The following TRIM6 variants were observed in gnomAD, a reference collection of about 807,000 sequenced individuals.
TRIM6 encodes tripartite motif containing 6.
In TRIM6, 43 loss-of-function variants were observed where a neutral mutation model predicts 51.2. That is an observed-to-expected ratio of 0.84 (90% CI 0.66 to 1.08). The LOEUF is 1.08. Among genes scored for constraint, TRIM6 ranks in the 50% least tolerant of loss-of-function variants. The pLI, the probability that TRIM6 is intolerant of heterozygous loss-of-function variation, is 0.00. For missense variants in TRIM6, 669 were observed against 619.0 expected (o/e 1.08, Z -0.86); for synonymous variants, 215 against 232.4 (o/e 0.93, Z 0.68).
In TRIM6 at chr11:5,596,915, G is replaced by A; in HGVS notation, c.17+1G>A. The A allele has an allele frequency of 1.9e-6, 3 of 1,614,086 alleles. No homozygotes were observed. Among genetic ancestry groups the A allele is most frequent in the Non-Finnish European group, 2.5e-6 (3 of 1,179,992 alleles). On this transcript the variant is annotated splice_donor_variant, in intron 1 of 7. Transcript: ENST00000380097. LOFTEE classifies it high-confidence loss of function. ...TTCCCCAGATGTGCGGGTCAGAGAG[G>A]TATGTCTACCGTTCTGTTGACTGGC...
intron 5 of TRIM6, 83 bp from the exon 6 acceptor site, chr11:5,610,062 G>A: frequency 7.0e-7 from 1 of 1,426,574 alleles, no homozygotes; most frequent in Non-Finnish European, 9.8e-7. Context: ...GAATTCATCA[G>A]TAGGCTTGGG....
chr11:5,609,922 C>CAA (rs5789416), intron 5 of TRIM6, among the ~76,000 whole-genome samples: 2 of 149,252 alleles, frequency 1.3e-5, no homozygotes, highest in Admixed American at 1.3e-4. Flanking sequence ...GACTCCTTCT[C>CAA]AAAAAAAAAA....
chr11:5,599,816 C>G (rs995704091), intron 1 of TRIM6, among the ~76,000 whole-genome samples: 1 of 152,168 alleles, frequency 6.6e-6, no homozygotes, highest in Non-Finnish European at 1.5e-5. Context: ...AATTTTCAAT[C>G]CATTATAAAG....
rs140488832 is a variant in TRIM6, at chr11:5,603,393, C to T, written c.165C>T (p.Ser55=). The T allele has an allele frequency of 2.1e-5, 34 of 1,614,052 alleles. No individual in the cohort carries two copies. Among genetic ancestry groups the T allele is most frequent in the Middle Eastern group, 1.6e-4 (1 of 6,062 alleles). Reference sequence around the variant, plus strand: ...TGGAGCTCCTAACAGAACCCCTGAGCATAGACTGTGGCCACAGCTTCTGCC... The same window carrying T: ...TGGAGCTCCTAACAGAACCCCTGAGTATAGACTGTGGCCACAGCTTCTGCC... ...ICLELLTEPL[S]IDCGHSFCQA... is the part of the protein sequence containing the mutation. Residue 55 remains serine, a synonymous_variant, in exon 2 of 8, where the codon AGC becomes AGT. Transcript: ENST00000380097.
intron 3 of TRIM6, 70 bp downstream of exon 3, chr11:5,604,699 G>A: frequency 2.0e-6 from 3 of 1,521,486 alleles, no homozygotes; most frequent in Non-Finnish European, 2.7e-6. Flanking sequence ...TGAGGGCAAA[G>A]GAGTCCTTGT....
chr11:5,598,711 C>T (rs1847633486), intron 1 of TRIM6, among the ~76,000 whole-genome samples: 1 of 152,212 alleles, frequency 6.6e-6, no homozygotes, highest in South Asian at 2.1e-4. Context: ...AGAGCCATAT[C>T]TGGCTACATG....
chr11:5,601,893 T>G (rs1847880140), intron 1 of TRIM6, among the ~76,000 whole-genome samples: 2 of 152,116 alleles, frequency 1.3e-5, no homozygotes, highest in African/African-American at 4.8e-5. Flanking sequence ...TTTCACAGTC[T>G]TAGAGATCAG....
intron 4 of TRIM6, 63 bp downstream of exon 4, chr11:5,605,630 T>C (rs1848161174): frequency 1.3e-6 from 2 of 1,517,956 alleles, no homozygotes; most frequent in African/African-American, 2.8e-5. Flanking sequence ...CTTTCCTTCC[T>C]TTCTGGGACA....
At chr11:5,604,666 G>A in intron 3 of TRIM6, 37 bp downstream of exon 3, 1 of 1,599,310 alleles carries the variant, frequency 6.3e-7, no homozygotes, top group Non-Finnish European at 8.5e-7. Context: ...CCTGGGGCAG[G>A]AATCATGGCA....
At chr11:5,608,754 T>G (rs1038588854) in intron 5 of TRIM6, among the ~76,000 whole-genome samples, 5 of 151,884 alleles carry the variant, frequency 3.3e-5, no homozygotes, top group South Asian at 4.1e-4. Context: ...ACCCTGTTAG[T>G]GTACTTTTCC....
intron 5 of TRIM6, 89 bp downstream of exon 5, chr11:5,608,483 A>C: frequency 6.3e-7 from 1 of 1,579,790 alleles, no homozygotes; most frequent in East Asian, 2.3e-5. Context: ...GAAGAATCAG[A>C]GTGGGGAAGA....
chr11:5,603,498 CT>C lies in TRIM6; in HGVS notation c.271del (p.Tyr91ThrfsTer15), dbSNP rs1847996051. On this transcript the variant is annotated frameshift_variant, in exon 2 of 8. Coordinates refer to ENST00000380097, the MANE Select transcript of TRIM6 (RefSeq NM_001003818.3). LOFTEE classifies it high-confidence loss of function. ...GAAGCTGCCCTGTGTGCCAGACCAG[CT>C]ACCAGCCAGGGAACCTGCGGCCTAA... ...ERSCPVCQTS[Y>X]QPGNLRPNRH... is the part of the protein sequence containing the mutation. 1.9e-6 allele frequency: 3 copies of C among 1,613,988 alleles called. No homozygotes were observed. Among genetic ancestry groups the C allele is most frequent in the Non-Finnish European group, 2.5e-6 (3 of 1,180,028 alleles).
chr11:5,604,375 G>GTA (rs1342274718), intron 2 of TRIM6, among the ~76,000 whole-genome samples, 159 bp from the exon 3 acceptor site: 2 of 152,118 alleles, frequency 1.3e-5, no homozygotes, highest in East Asian at 1.9e-4. Flanking sequence ...TTCATCCCAT[G>GTA]TATATATATA....
chr11:5,608,890 G>T (rs1331675039), intron 5 of TRIM6, among the ~76,000 whole-genome samples: 1 of 118,012 alleles, frequency 8.5e-6, no homozygotes, highest in Non-Finnish European at 1.6e-5. Flanking sequence ...TCACTCTGTC[G>T]CCCAGGCTGG....
At chr11:5,600,484 G>A (rs751040264) in intron 1 of TRIM6, among the ~76,000 whole-genome samples, 16 of 152,116 alleles carry the variant, frequency 1.1e-4, no homozygotes, top group Non-Finnish European at 2.1e-4. Context: ...TTTTCGGCTC[G>A]CTAGATCCCC....
At chr11:5,600,298 A>T (rs1847758521) in intron 1 of TRIM6, among the ~76,000 whole-genome samples, 1 of 152,192 alleles carries the variant, frequency 6.6e-6, no homozygotes, top group South Asian at 2.1e-4. Context: ...TAATGTTGTT[A>T]TGTGGAATTA....
intron 5 of TRIM6, 98 bp from the exon 6 acceptor site, chr11:5,610,047 G>A: frequency 8.0e-7 from 1 of 1,257,644 alleles, no homozygotes; most frequent in Non-Finnish European, 1.1e-6. Context: ...CAGAAAGGAG[G>A]ATTGGAATTC....
rs778429555 is a variant in TRIM6 at position 5,603,599 on chromosome 11, T to A, written c.371T>A (p.Leu124His). ...CCTGGGAAGCAGCTGAAAGCAGTTC[T>A]TTGTGCAGACCATGGAGAAAAACTG... ...LGPGKQLKAV[L>H]CADHGEKLQL... Residue 124 changes from leucine (L) to histidine (H), a missense_variant, in exon 2 of 8, where the codon CTT becomes CAT. Physicochemically the swap from Leu to His is moderately conservative, Grantham distance 99. Coordinates refer to ENST00000380097, the MANE Select transcript of TRIM6 (RefSeq NM_001003818.3). 30 of 1,613,650 alleles carry A rather than the reference T, an allele frequency of 1.9e-5. No homozygotes were observed. The highest frequency in any genetic ancestry group is 2.5e-5 in the Non-Finnish European group (30 of 1,179,978).
intron 1 of TRIM6, 28 bp from the exon 2 acceptor site, chr11:5,603,218 T>C (rs1364472083): frequency 2.5e-6 from 4 of 1,600,460 alleles, no homozygotes; most frequent in Non-Finnish European, 3.4e-6. Flanking sequence ...CTTACCCTGA[T>C]CCTTTTTTTG....
Sources: gnomAD v4.1 joint callset for allele counts (sites outside exome capture counted in the v4.1 genomes callset) on GRCh38, gnomAD v4.1.1 for gene constraint, MANE v1.5 for transcripts, NCBI Gene and HGNC (gene_info 2026-07-23, HGNC 2026-07-21) for gene names.